The following HTR4 variants were observed in gnomAD, a reference collection of about 807,000 sequenced individuals.
The protein encoded by HTR4 is 5-hydroxytryptamine receptor 4.
Under a neutral mutation model 36.8 loss-of-function variants are expected in HTR4, and 16 were observed. The observed-to-expected ratio is 0.43, with a 90% CI of 0.29 to 0.66. The LOEUF (loss-of-function observed/expected upper bound fraction) is 0.66, where lower values mean the gene tolerates loss of function less well. Among genes scored for constraint, HTR4 ranks in the 30% least tolerant of loss-of-function variants. The pLI, the probability that HTR4 is intolerant of heterozygous loss-of-function variation, is 0.13. For missense variants in HTR4, 438 were observed against 490.9 expected, an observed-to-expected ratio of 0.89 and a Z score of 1.02; for synonymous variants, 189 against 185.1, an observed-to-expected ratio of 1.02 and a Z score of -0.17.
At chr5:148,586,481 T>C (rs1270333204) in intron 2 of HTR4, among the ~76,000 whole-genome samples, 1 of 152,004 alleles carries the variant, frequency 6.6e-6, no homozygotes, top group Non-Finnish European at 1.5e-5. Flanking sequence ...ACTTCTTACA[T>C]GGCGGCAGGA....
intron 2 of HTR4, among the ~76,000 whole-genome samples, chr5:148,587,459 G>A (rs957130804): frequency 2.0e-5 from 3 of 152,054 alleles, no homozygotes; most frequent in Admixed American, 6.6e-5. Context: ...CGGAGGGTTG[G>A]GGGGGTGGTG....
chr5:148,523,553 C>T (rs535426797), intron 4 of HTR4, among the ~76,000 whole-genome samples: 2 of 151,048 alleles, frequency 1.3e-5, no homozygotes, highest in Non-Finnish European at 1.5e-5. Context: ...AAGAGGAGAG[C>T]AAGTGGCAGA....
At chr5:148,623,973 C>T (rs1171267691) in intron 2 of HTR4, among the ~76,000 whole-genome samples, 1 of 152,174 alleles carries the variant, frequency 6.6e-6, no homozygotes, top group Non-Finnish European at 1.5e-5. Flanking sequence ...CACATGGCCT[C>T]ACCTATCTGG....
chr5:148,615,293 T>A (rs1163587940), intron 2 of HTR4, among the ~76,000 whole-genome samples: 6 of 151,982 alleles, frequency 3.9e-5, no homozygotes, highest in Non-Finnish European at 5.9e-5. Context: ...ATGTCCAACA[T>A]TGATAGACTG....
intron 1 of HTR4, chr5:148,644,749 A>G (rs961362914): frequency 1.3e-5 from 2 of 152,168 alleles, no homozygotes; most frequent in African/African-American, 4.8e-5. Flanking sequence ...AGAGCTATCC[A>G]CAGTGGAACT....
At chr5:148,491,314 C>T (rs1440380945) in intron 6 of HTR4, among the ~76,000 whole-genome samples, 3 of 151,758 alleles carry the variant, frequency 2.0e-5, no homozygotes, top group African/African-American at 7.3e-5. Context: ...CCTTCTACGG[C>T]GCTATATATT....
At position 148,592,944 on chromosome 5, in the gene HTR4, T is replaced by A. The variant is rs1761628987; in HGVS notation, c.27-42682A>T. Among the ~76,000 whole-genome samples, 3 of 152,196 alleles carry A rather than the reference T, an allele frequency of 2.0e-5. No homozygotes were observed. In the South Asian group the frequency reaches 6.2e-4, roughly 31 times the overall value. On this transcript the variant is annotated intron_variant, in intron 2 of 6. Coordinates refer to ENST00000377888, the MANE Select transcript of HTR4 (RefSeq NM_000870.7). ...TTTTAAATTTTGATTACTATGTTTTTCTCTTTAGAAGCTGTATTTGGCTAC... is the reference window on the plus strand; with the variant it reads ...TTTTAAATTTTGATTACTATGTTTTACTCTTTAGAAGCTGTATTTGGCTAC...
At chr5:148,651,037 T>C (rs1195673843) in intron 1 of HTR4, among the ~76,000 whole-genome samples, 1 of 152,148 alleles carries the variant, frequency 6.6e-6, no homozygotes, top group African/African-American at 2.4e-5. Flanking sequence ...TGAGAGAACT[T>C]GGGCACATTA....
intron 2 of HTR4, among the ~76,000 whole-genome samples, chr5:148,562,860 A>G (rs932315878): frequency 1.6e-4 from 25 of 151,962 alleles, no homozygotes; most frequent in African/African-American, 5.8e-4. Flanking sequence ...CCTGATCCCA[A>G]CCCTTTACCA....
At chr5:148,549,201 A>G (rs980095327) in intron 3 of HTR4, among the ~76,000 whole-genome samples, 1 of 152,112 alleles carries the variant, frequency 6.6e-6, no homozygotes, top group African/African-American at 2.4e-5. Context: ...TTGAGGGCCA[A>G]TGCAGATGTT....
intron 4 of HTR4, among the ~76,000 whole-genome samples, chr5:148,523,690 T>G (rs750801572): frequency 6.6e-6 from 1 of 152,086 alleles, no homozygotes; most frequent in South Asian, 2.1e-4. Context: ...TTGGATCACA[T>G]CTGAGAATCA....
intron 4 of HTR4, among the ~76,000 whole-genome samples, chr5:148,530,316 G>T (rs1758496153): frequency 6.6e-6 from 1 of 152,086 alleles, no homozygotes; most frequent in South Asian, 2.1e-4. Context: ...AAGCCTAGGA[G>T]AAAAAATGGT....
At chr5:148,574,447 T>G (rs1463657480) in intron 2 of HTR4, among the ~76,000 whole-genome samples, 1 of 152,002 alleles carries the variant, frequency 6.6e-6, no homozygotes, top group African/African-American at 2.4e-5. Context: ...AAAATCAACA[T>G]CTGAATGCAG....
chr5:148,551,628 A>C (rs1233660665), intron 2 of HTR4, among the ~76,000 whole-genome samples: 4 of 152,236 alleles, frequency 2.6e-5, no homozygotes, highest in Non-Finnish European at 4.4e-5. Context: ...GAAGTTTCAA[A>C]GAATCTTAAA....
chr5:148,563,826 A>C (rs1317176340), intron 2 of HTR4, among the ~76,000 whole-genome samples: 1 of 152,200 alleles, frequency 6.6e-6, no homozygotes, highest in Non-Finnish European at 1.5e-5. Context: ...ACATCATTCT[A>C]TATCAGGTAC....
intron 2 of HTR4, among the ~76,000 whole-genome samples, chr5:148,593,447 A>T (rs1233524017): frequency 1.3e-5 from 2 of 152,206 alleles, no homozygotes; most frequent in African/African-American, 4.8e-5. Flanking sequence ...AGAAGGAAAC[A>T]CAGCATCATC....
chr5:148,597,844 T>C (rs1002726318), intron 2 of HTR4, among the ~76,000 whole-genome samples: 1 of 152,188 alleles, frequency 6.6e-6, no homozygotes, highest in African/African-American at 2.4e-5. Flanking sequence ...TATCACCAGA[T>C]CAGTGAGAAC....
intron 2 of HTR4, among the ~76,000 whole-genome samples, chr5:148,607,525 T>G (rs1297964504): frequency 6.6e-6 from 1 of 152,150 alleles, no homozygotes; most frequent in Admixed American, 6.5e-5. Context: ...TTTCTTTTCC[T>G]AAGAAGGCCC....
At chr5:148,582,599 G>T (rs1382095181) in intron 2 of HTR4, among the ~76,000 whole-genome samples, 1 of 152,014 alleles carries the variant, frequency 6.6e-6, no homozygotes, top group Non-Finnish European at 1.5e-5. Flanking sequence ...ATGGCCTCTA[G>T]CCCAGCAGCC....
Sources: gnomAD v4.1 joint callset for allele counts (sites outside exome capture counted in the v4.1 genomes callset) on GRCh38, gnomAD v4.1.1 for gene constraint, MANE v1.5 for transcripts, NCBI Gene and HGNC (gene_info 2026-07-23, HGNC 2026-07-21) for gene names.